The following PLD1 variants were observed in gnomAD, a reference collection of about 807,000 sequenced individuals.
PLD1 encodes choline phosphatase 1.
In PLD1, 112 loss-of-function variants were observed where a neutral mutation model predicts 137.1. That is an observed-to-expected ratio of 0.82 (90% CI 0.70 to 0.96). The LOEUF (loss-of-function observed/expected upper bound fraction) is 0.96, where lower values mean the gene tolerates loss of function less well. Ranked by LOEUF, PLD1 falls within the 40% of genes least tolerant of loss-of-function variation. The pLI is 0.00. For missense variants in PLD1, 1,321 were observed against 1,342.0 expected, an observed-to-expected ratio of 0.98 and a Z score of 0.24; for synonymous variants, 431 against 454.7, an observed-to-expected ratio of 0.95 and a Z score of 0.66.
intron 1 of PLD1, among the ~76,000 whole-genome samples, chr3:171,744,156 C>A (rs1214088816): frequency 6.6e-6 from 1 of 152,182 alleles, no homozygotes; most frequent in Non-Finnish European, 1.5e-5. Context: ...TGCATCATGT[C>A]AAATGATCCT....
intron 1 of PLD1, chr3:171,792,937 T>C (rs902506603): frequency 6.0e-5 from 19 of 318,648 alleles, no homozygotes; most frequent in Non-Finnish European, 9.3e-5. Flanking sequence ...CCCAAGGAAG[T>C]GGGGCTCTCA....
At chr3:171,763,829 T>TC (rs1721610740) in intron 1 of PLD1, among the ~76,000 whole-genome samples, 1 of 90,124 alleles carries the variant, frequency 1.1e-5, no homozygotes, top group Admixed American at 1.4e-4. Context: ...TTTCTTTCTT[T>TC]CTTTTTTTTT....
chr3:171,731,370 C>T (rs1007356266), intron 6 of PLD1, among the ~76,000 whole-genome samples: 3 of 152,018 alleles, frequency 2.0e-5, no homozygotes, highest in African/African-American at 7.3e-5. Context: ...AGTCTTTAGG[C>T]CAGACTACAT....
chr3:171,790,696 TA>T (rs1723180714), intron 1 of PLD1, among the ~76,000 whole-genome samples: 1 of 152,162 alleles, frequency 6.6e-6, no homozygotes, highest in African/African-American at 2.4e-5. Context: ...GTCTGTAATG[TA>T]AATATGATGT....
At chr3:171,603,509 T>C (rs896651654) in intron 26 of PLD1, among the ~76,000 whole-genome samples, 1 of 152,204 alleles carries the variant, frequency 6.6e-6, no homozygotes, top group African/African-American at 2.4e-5. Flanking sequence ...TCTGCTTCCA[T>C]TTAAAAAATC....
chr3:171,659,197 AGCCAAAG>A lies in PLD1; in HGVS notation c.2429+9_2429+15del. The A allele has an allele frequency of 6.4e-7, 1 of 1,557,794 alleles. No homozygotes were observed. The highest frequency in any genetic ancestry group is 8.9e-7 in the Non-Finnish European group (1 of 1,129,274). On this transcript the variant is annotated intron_variant, in intron 21 of 26. Transcript: ENST00000351298. ...AAGAACATCTGCAGCGAGAACTCTC[AGCCAAAG>A]GCTGTTACCTGTGAGCTTTCAGGAT...
intron 25 of PLD1, among the ~76,000 whole-genome samples, chr3:171,610,822 A>C (rs1732587153): frequency 1.3e-5 from 2 of 151,710 alleles, no homozygotes; most frequent in South Asian, 2.1e-4. Context: ...CAAATCAAGT[A>C]GTAACAAAGG....
intron 1 of PLD1, among the ~76,000 whole-genome samples, chr3:171,787,582 T>C (rs538320434): frequency 1.5e-4 from 23 of 152,272 alleles, no homozygotes; most frequent in African/African-American, 5.3e-4. Context: ...ATTTGCATAT[T>C]TTATAACTCA....
intron 25 of PLD1, among the ~76,000 whole-genome samples, chr3:171,605,794 G>C (rs748759199): frequency 2.6e-5 from 4 of 152,148 alleles, no homozygotes; most frequent in African/African-American, 9.7e-5. Flanking sequence ...CTAAAGTCTC[G>C]AGGCACACTA....
intron 20 of PLD1, among the ~76,000 whole-genome samples, chr3:171,659,731 A>G (rs931715925): frequency 6.6e-6 from 1 of 152,180 alleles, no homozygotes; most frequent in Non-Finnish European, 1.5e-5. Context: ...AACAGAGTAG[A>G]TGGTAAAGCC....
At chr3:171,637,244 T>C (rs1371109340) in intron 23 of PLD1, among the ~76,000 whole-genome samples, 1 of 152,226 alleles carries the variant, frequency 6.6e-6, no homozygotes, top group Non-Finnish European at 1.5e-5. Context: ...GGCTTTCTTT[T>C]CTTTTCTTTT....
At chr3:171,792,931 A>G (rs1723277297) in intron 1 of PLD1, 2 of 324,772 alleles carry the variant, frequency 6.2e-6, no homozygotes, top group Non-Finnish European at 1.2e-5. Flanking sequence ...AGACTCCCCA[A>G]GGAAGTGGGG....
intron 20 of PLD1, among the ~76,000 whole-genome samples, chr3:171,660,569 G>A (rs1339125861): frequency 4.0e-5 from 6 of 151,774 alleles, no homozygotes; most frequent in Non-Finnish European, 5.9e-5. Flanking sequence ...TAATACTACT[G>A]TCACATTAAA....
chr3:171,730,952 T>C (rs1355031718), intron 6 of PLD1, among the ~76,000 whole-genome samples: 2 of 152,212 alleles, frequency 1.3e-5, no homozygotes, highest in East Asian at 3.8e-4. Context: ...TCTCCACTTT[T>C]TAAAGTGGTC....
intron 23 of PLD1, among the ~76,000 whole-genome samples, chr3:171,631,547 G>C (rs1025515579): frequency 6.6e-6 from 1 of 152,078 alleles, no homozygotes; most frequent in Non-Finnish European, 1.5e-5. Context: ...ACCATTTTTC[G>C]CTAAAATAAC....
intron 9 of PLD1, among the ~76,000 whole-genome samples, chr3:171,710,107 G>A (rs1717043935): frequency 1.3e-5 from 2 of 152,012 alleles, no homozygotes; most frequent in African/African-American, 4.8e-5. Context: ...CTGTCGCCCA[G>A]GCTGGAGTGC....
At chr3:171,704,893 C>T (rs997316514) in intron 11 of PLD1, among the ~76,000 whole-genome samples, 4 of 152,180 alleles carry the variant, frequency 2.6e-5, no homozygotes, top group African/African-American at 9.7e-5. Context: ...GATAGGCCAG[C>T]AGGCACCAGT....
At chr3:171,639,629 C>T (rs376694754) in intron 23 of PLD1, among the ~76,000 whole-genome samples, 10 of 69,668 alleles carry the variant, frequency 1.4e-4, no homozygotes, top group Admixed American at 1.1e-3. Flanking sequence ...AATATATATT[C>T]TATATAATAT....
In PLD1 at chr3:171,620,232, G is replaced by A. The variant is rs1251057163; in HGVS notation, c.2728+154C>T. Among the ~76,000 whole-genome samples the A allele has an allele frequency of 2.0e-5, 3 of 152,304 alleles. No individual in the cohort carries two copies. The East Asian group carries it at 5.8e-4, about 29-fold the overall frequency. ...TTTCAACAACTGGGTTAGAAAGGAT[G>A]TAAGAGAAGAGGATGGCTTCAGAAA... On this transcript the variant is annotated intron_variant, in intron 24 of 26. Coordinates refer to ENST00000351298, the MANE Select transcript of PLD1 (RefSeq NM_002662.5).
Sources: allele counts gnomAD v4.1 joint callset (sites outside exome capture counted in the v4.1 genomes callset), GRCh38; gene constraint gnomAD v4.1.1; transcripts MANE v1.5; gene names NCBI Gene and HGNC (gene_info 2026-07-23, HGNC 2026-07-21).